The following OTUD7A variants were observed in gnomAD, a reference collection of about 807,000 sequenced individuals.
The protein encoded by OTUD7A is OTU domain-containing protein 7A.
A neutral mutation model predicts 65.7 loss-of-function variants in OTUD7A; 12 were observed. The observed-to-expected ratio is 0.18, with a 90% confidence interval of 0.12 to 0.30. OTUD7A has a LOEUF of 0.30. Ranked by LOEUF, OTUD7A falls within the 10% of genes least tolerant of loss-of-function variation. The pLI is 1.00. For missense variants in OTUD7A, 1,148 were observed against 1,304.8 expected (o/e 0.88, Z 1.85); for synonymous variants, 641 against 586.3 (o/e 1.09, Z -1.35).
At chr15:31,720,312 T>C (rs915046054) in intron 1 of OTUD7A, among the ~76,000 whole-genome samples, 3 of 151,888 alleles carry the variant, frequency 2.0e-5, no homozygotes, top group Admixed American at 6.6e-5. Flanking sequence ...GGTCTGCATA[T>C]ACAATGGTGG....
At chr15:31,735,834 G>C (rs1470959047) in intron 1 of OTUD7A, among the ~76,000 whole-genome samples, 1 of 152,146 alleles carries the variant, frequency 6.6e-6, no homozygotes, top group African/African-American at 2.4e-5. Context: ...TAACAGGCTG[G>C]ATAAACAAAA....
intron 8 of OTUD7A, among the ~76,000 whole-genome samples, chr15:31,516,574 A>C (rs2041859784): frequency 6.6e-6 from 1 of 152,188 alleles, no homozygotes; most frequent in Non-Finnish European, 1.5e-5. Flanking sequence ...TAACAGAAAC[A>C]AAACAGCAGA....
At chr15:31,605,262 C>A (rs1206885844) in intron 3 of OTUD7A, among the ~76,000 whole-genome samples, 1 of 152,154 alleles carries the variant, frequency 6.6e-6, no homozygotes, top group South Asian at 2.1e-4. Flanking sequence ...TATGTGTGCA[C>A]AGCCTGAGGC....
intron 3 of OTUD7A, among the ~76,000 whole-genome samples, chr15:31,638,685 G>A (rs1224254534): frequency 5.3e-5 from 8 of 151,792 alleles, no homozygotes; most frequent in African/African-American, 1.9e-4. Flanking sequence ...GTGAGCCACT[G>A]TGCTTAGCCA....
chr15:31,601,382 G>A (rs1890069670), intron 3 of OTUD7A, among the ~76,000 whole-genome samples: 1 of 152,104 alleles, frequency 6.6e-6, no homozygotes, highest in South Asian at 2.1e-4. Flanking sequence ...ATGAAATGAA[G>A]GCAGACATAA....
rs536234902 is a variant in OTUD7A at position 31,623,881 on chromosome 15, C to G, written c.151+31215G>C. 3.4e-3 allele frequency among the ~76,000 whole-genome samples: 524 copies of G among 152,340 alleles called. 1 individual carries two copies. Among genetic ancestry groups the G allele is most frequent in the Middle Eastern group, 6.8e-3 (2 of 294 alleles). On this transcript the variant is annotated intron_variant, in intron 3 of 12. Coordinates refer to ENST00000307050, the MANE Select transcript of OTUD7A (RefSeq NM_001382637.1). ...TCACGCTGGGAGCTGTAGACTGGAG[C>G]TGTTCCTATTCGGCCAACTTGGAAC...
chr15:31,611,326 T>C (rs1041885525), intron 3 of OTUD7A, among the ~76,000 whole-genome samples: 1 of 151,908 alleles, frequency 6.6e-6, no homozygotes, highest in African/African-American at 2.4e-5. Context: ...TAAATGAAGC[T>C]GAAACAAACA....
intron 3 of OTUD7A, among the ~76,000 whole-genome samples, chr15:31,623,022 A>G (rs1890842942): frequency 6.6e-6 from 1 of 152,198 alleles, no homozygotes; most frequent in Non-Finnish European, 1.5e-5. Flanking sequence ...AGTTTGCTGG[A>G]GGTCCACTCC....
intron 1 of OTUD7A, among the ~76,000 whole-genome samples, chr15:31,663,200 G>A (rs1351157582): frequency 1.4e-5 from 2 of 145,770 alleles, no homozygotes; most frequent in African/African-American, 5.1e-5. Context: ...AAATAACTTT[G>A]GTGTTTCCAC....
intron 5 of OTUD7A, among the ~76,000 whole-genome samples, chr15:31,531,305 A>C (rs976097353): frequency 4.6e-5 from 7 of 152,172 alleles, no homozygotes; most frequent in Admixed American, 6.5e-5. Flanking sequence ...GATCAGATGT[A>C]CTTTTTCCTA....
chr15:31,526,684 C>T (rs1203637385), intron 7 of OTUD7A, among the ~76,000 whole-genome samples: 4 of 152,192 alleles, frequency 2.6e-5, no homozygotes, highest in Non-Finnish European at 4.4e-5. Context: ...ATCTGCCCAC[C>T]AACAAGGGTC....
At chr15:31,714,623 A>C (rs558309863) in intron 1 of OTUD7A, among the ~76,000 whole-genome samples, 1 of 152,384 alleles carries the variant, frequency 6.6e-6, no homozygotes, top group Admixed American at 6.5e-5. Context: ...ACGGGCCATA[A>C]AACAGCCCTT....
chr15:31,796,142 C>CGTGTGTGTGTGTGT (rs145581747), intron 1 of OTUD7A, among the ~76,000 whole-genome samples: 10,998 of 148,024 alleles, frequency 0.074, 747 homozygotes, highest in East Asian at 0.38. Context: ...GTAAGGGGTG[C>CGTGTGTGTGTGTGT]GTGTGTGTGT....
At chr15:31,795,580 C>T (rs1306597300) in intron 1 of OTUD7A, among the ~76,000 whole-genome samples, 1 of 152,222 alleles carries the variant, frequency 6.6e-6, no homozygotes, top group African/African-American at 2.4e-5. Flanking sequence ...AGTGCCAGGG[C>T]AGATGCCATG....
chr15:31,606,128 G>C (rs532172293), intron 3 of OTUD7A, among the ~76,000 whole-genome samples: 1 of 152,310 alleles, frequency 6.6e-6, no homozygotes, highest in Admixed American at 6.5e-5. Context: ...CCCCATCATA[G>C]TTGCTCTTTG....
intron 1 of OTUD7A, among the ~76,000 whole-genome samples, chr15:31,683,319 G>C (rs1235538631): frequency 6.6e-6 from 1 of 152,140 alleles, no homozygotes; most frequent in African/African-American, 2.4e-5. Context: ...AGTGAGATAG[G>C]TGGATTCTGA....
At chr15:31,627,829 C>T (rs1441854069) in intron 3 of OTUD7A, among the ~76,000 whole-genome samples, 3 of 152,196 alleles carry the variant, frequency 2.0e-5, no homozygotes, top group Non-Finnish European at 4.4e-5. Context: ...ATTTGCATTT[C>T]TCTGATGGTC....
chr15:31,634,661 A>G (rs1254205300), intron 3 of OTUD7A, among the ~76,000 whole-genome samples: 1 of 152,204 alleles, frequency 6.6e-6, no homozygotes. Flanking sequence ...CCCTGTATAC[A>G]GCAGGCAATG....
At chr15:31,710,649 A>G (rs1255401222) in intron 1 of OTUD7A, among the ~76,000 whole-genome samples, 2 of 152,238 alleles carry the variant, frequency 1.3e-5, no homozygotes, top group African/African-American at 4.8e-5. Context: ...TGATCTGTGA[A>G]TGTCTGTTAG....
Sources: gnomAD v4.1 joint callset for allele counts (sites outside exome capture counted in the v4.1 genomes callset) on GRCh38, gnomAD v4.1.1 for gene constraint, MANE v1.5 for transcripts, NCBI Gene and HGNC (gene_info 2026-07-23, HGNC 2026-07-21) for gene names.